IL1RAPL1: variants seen among roughly 807,000 people sequenced by gnomAD.
IL1RAPL1 encodes interleukin-1 receptor accessory protein-like 1.
IL1RAPL1 carries 3 observed loss-of-function variants against 48.4 expected under a neutral mutation model. The ratio of observed to expected loss-of-function variants is 0.06; its 90% CI spans 0.03 to 0.16. The LOEUF is 0.16. Ranked by LOEUF, IL1RAPL1 falls within the 10% of genes least tolerant of loss-of-function variation. The probability of loss-of-function intolerance (pLI) is 1.00; values close to 1 mark genes in which losing one functional copy is unlikely to be tolerated. For missense variants in IL1RAPL1, 349 were observed against 530.6 expected (o/e 0.66, Z 3.36); for synonymous variants, 185 against 187.7 (o/e 0.99, Z 0.12).
chrX:29,771,488 A>G (rs1929064006), intron 6 of IL1RAPL1, among the ~76,000 whole-genome samples: 1 of 112,209 alleles, frequency 8.9e-6, no homozygotes, highest in African/African-American at 3.2e-5. Context: ...TATGAGAAAA[A>G]TAAAATGAAT....
chrX:29,803,115 A>G (rs1191508491), intron 6 of IL1RAPL1, among the ~76,000 whole-genome samples: 6 of 93,118 alleles, frequency 6.4e-5, no homozygotes, highest in African/African-American at 2.3e-4. Context: ...ATATATGTAT[A>G]TATGTGTATA....
chrX:28,733,461 A>G (rs1214550892), intron 1 of IL1RAPL1, among the ~76,000 whole-genome samples: 1 of 110,503 alleles, frequency 9.0e-6, no homozygotes, highest in Admixed American at 9.7e-5. Context: ...AACTATTCCT[A>G]CCAAGGTCCC....
At chrX:29,229,709 G>A (rs2147556618) in intron 2 of IL1RAPL1, among the ~76,000 whole-genome samples, 1 of 112,220 alleles carries the variant, frequency 8.9e-6, no homozygotes, top group Non-Finnish European at 1.9e-5. Context: ...TGCAATGCCA[G>A]CATAAATTTC....
Position 29,388,361 on chromosome X carries a change from A to C in IL1RAPL1, c.363-7897A>C, listed in dbSNP as rs1933810523. On this transcript the variant is annotated intron_variant, in intron 3 of 10. Transcript: ENST00000378993. Reference sequence around the variant, plus strand: ...AAGGAGAAAGAGTTTAAGAGATTAAAAAAAATATATATATATTCCTGGTCC... The same window carrying C: ...AAGGAGAAAGAGTTTAAGAGATTAACAAAAATATATATATATTCCTGGTCC... Among the ~76,000 whole-genome samples the C allele has an allele frequency of 4.9e-5, 3 of 60,732 alleles. No individual in the cohort carries two copies. The Admixed American group carries it at 5.4e-4, about 11-fold the overall frequency. 52.7% of individuals were successfully genotyped at this position (60,732 alleles called of 115,157 possible).
chrX:29,238,116 G>A (rs1270945092), intron 2 of IL1RAPL1, among the ~76,000 whole-genome samples: 2 of 111,098 alleles, frequency 1.8e-5, no homozygotes, highest in Non-Finnish European at 3.8e-5. Context: ...GTGTTTTCTC[G>A]GTATGGTAGA....
At position 28,820,890 on chromosome X, in the gene IL1RAPL1, A is replaced by G. The variant is rs1466923191; in HGVS notation, c.82+31465A>G. On this transcript the variant is annotated intron_variant, in intron 2 of 10. Coordinates refer to ENST00000378993, the MANE Select transcript of IL1RAPL1 (RefSeq NM_014271.4). Reference sequence around the variant, plus strand: ...CCCCAAGGAAAGTACAAATGCTTCGAGTTGGCTGAAACAGTTCTGGAATAT... The same window carrying G: ...CCCCAAGGAAAGTACAAATGCTTCGGGTTGGCTGAAACAGTTCTGGAATAT... Among the ~76,000 whole-genome samples, 4 of 111,057 alleles carry G rather than the reference A, an allele frequency of 3.6e-5. No individual in the cohort carries two copies. The East Asian group carries it at 1.1e-3, about 32-fold the overall frequency.
In IL1RAPL1 at chrX:29,005,046, G is replaced by A. The variant is rs772614943; in HGVS notation, c.82+215621G>A. Among the ~76,000 whole-genome samples the A allele has an allele frequency of 7.2e-5, 8 of 111,723 alleles. No homozygotes were observed. The Admixed American group carries it at 7.6e-4, about 11-fold the overall frequency. ...AGCTATAAATAGTGCATTGAACTATGAATTAATATGGTCTGTCTGAAATCA... is the reference window on the plus strand; with the variant it reads ...AGCTATAAATAGTGCATTGAACTATAAATTAATATGGTCTGTCTGAAATCA... On this transcript the variant is annotated intron_variant, in intron 2 of 10. Transcript: ENST00000378993.
At chrX:29,186,047 A>C in intron 2 of IL1RAPL1, among the ~76,000 whole-genome samples, 1 of 112,359 alleles carries the variant, frequency 8.9e-6, no homozygotes, top group Non-Finnish European at 1.9e-5. Context: ...ATCTCTAAAT[A>C]AAACTCACTG....
chrX:29,223,093 G>A (rs1261568333), intron 2 of IL1RAPL1, among the ~76,000 whole-genome samples: 1 of 110,887 alleles, frequency 9.0e-6, no homozygotes, highest in Non-Finnish European at 1.9e-5. Context: ...TTTTCTATAT[G>A]TTATAGCCAG....
chrX:29,701,346 G>A (rs1343619929), intron 6 of IL1RAPL1, among the ~76,000 whole-genome samples: 2 of 112,024 alleles, frequency 1.8e-5, no homozygotes, highest in African/African-American at 6.5e-5. Flanking sequence ...TAAAATAGGC[G>A]AATATGAATA....
chrX:29,279,856 T>G (rs1300111804), intron 2 of IL1RAPL1, among the ~76,000 whole-genome samples: 2 of 112,139 alleles, frequency 1.8e-5, no homozygotes, highest in Non-Finnish European at 3.8e-5. Context: ...CTCTCTCTAT[T>G]CTCTTGATCT....
chrX:29,653,860 T>A lies in IL1RAPL1; in HGVS notation c.704-14570T>A, dbSNP rs562630622. ...GATCTAGGCAAGTAACTTATAGGTGTTCTGTTTGTTGAACAAAAGAATGAA... is the reference window on the plus strand; with the variant it reads ...GATCTAGGCAAGTAACTTATAGGTGATCTGTTTGTTGAACAAAAGAATGAA... On this transcript the variant is annotated intron_variant, in intron 5 of 10. Transcript: ENST00000378993. Among the ~76,000 whole-genome samples, 4 of 110,748 alleles carry A rather than the reference T, an allele frequency of 3.6e-5. No homozygotes were observed. In the East Asian group the frequency reaches 1.1e-3, roughly 31 times the overall value.
At chrX:28,621,768 A>G (rs2146888814) in intron 1 of IL1RAPL1, among the ~76,000 whole-genome samples, 1 of 111,795 alleles carries the variant, frequency 8.9e-6, no homozygotes, top group South Asian at 3.7e-4. Flanking sequence ...GAGGCATACC[A>G]TGTCCATTAT....
At chrX:28,724,584 A>G (rs1025091577) in intron 1 of IL1RAPL1, among the ~76,000 whole-genome samples, 2 of 111,461 alleles carry the variant, frequency 1.8e-5, no homozygotes, top group East Asian at 2.8e-4. Flanking sequence ...TGGAGCATTT[A>G]GCCCATTTAC....
intron 3 of IL1RAPL1, among the ~76,000 whole-genome samples, chrX:29,378,965 A>G (rs1569298402): frequency 8.9e-6 from 1 of 111,976 alleles, no homozygotes; most frequent in East Asian, 2.8e-4. Flanking sequence ...GGCATGCCTC[A>G]CTCCCATGCC....
intron 2 of IL1RAPL1, among the ~76,000 whole-genome samples, chrX:29,095,437 A>G (rs969066554): frequency 1.2e-4 from 13 of 111,618 alleles, no homozygotes; most frequent in African/African-American, 4.2e-4. Flanking sequence ...GAAACTGCAA[A>G]TGTTCAAGCT....
Position 29,956,055 on chromosome X carries a change from G to A in IL1RAPL1, c.*235G>A, listed in dbSNP as rs1933415242. 5.0e-6 allele frequency: 2 copies of A among 403,332 alleles called. No homozygotes were observed. The highest frequency in any genetic ancestry group is 4.3e-6 in the Non-Finnish European group (1 of 231,930). 33.2% of individuals were successfully genotyped at this position (403,332 alleles called of 1,213,427 possible). ...TTTGACTTTGTTTTATATGTCGTTGGAATTTGTAAATTTACATTTTTTTTA... is the reference window on the plus strand; with the variant it reads ...TTTGACTTTGTTTTATATGTCGTTGAAATTTGTAAATTTACATTTTTTTTA... On this transcript the variant is annotated 3_prime_UTR_variant, in exon 11 of 11. Transcript: ENST00000378993.
At chrX:29,357,562 C>T (rs1183408377) in intron 3 of IL1RAPL1, among the ~76,000 whole-genome samples, 1 of 111,992 alleles carries the variant, frequency 8.9e-6, no homozygotes, top group Non-Finnish European at 1.9e-5. Context: ...TAAACAGCCC[C>T]GTAATAGCAG....
intron 6 of IL1RAPL1, among the ~76,000 whole-genome samples, chrX:29,759,581 T>C (rs1457623523): frequency 1.8e-5 from 2 of 112,019 alleles, no homozygotes; most frequent in Non-Finnish European, 3.8e-5. Flanking sequence ...CTAAAAGTTA[T>C]GGCAGAAATA....
Sources: allele counts gnomAD v4.1 joint callset (sites outside exome capture counted in the v4.1 genomes callset), GRCh38; gene constraint gnomAD v4.1.1; transcripts MANE v1.5; gene names NCBI Gene and HGNC (gene_info 2026-07-23, HGNC 2026-07-21).